ABCB4: variants seen among roughly 807,000 people sequenced by gnomAD.
ABCB4 encodes the protein phosphatidylcholine translocator ABCB4.
ABCB4 carries 76 observed loss-of-function variants against 145.7 expected under a neutral mutation model. That is an observed-to-expected ratio of 0.52 (90% confidence interval 0.43 to 0.63). The LOEUF is 0.63. Ranked by LOEUF, ABCB4 falls within the 30% of genes least tolerant of loss-of-function variation. The probability of loss-of-function intolerance (pLI) is 0.00; values close to 1 mark genes in which losing one functional copy is unlikely to be tolerated. For synonymous variants in ABCB4, 517 were observed against 566.8 expected (o/e 0.91, Z 1.25); for missense variants, 1,234 against 1,553.1 (o/e 0.79, Z 3.45).
chr7:87,397,583 A>C (rs564793480), downstream of ABCB4, among the ~76,000 whole-genome samples: 1 of 152,326 alleles, frequency 6.6e-6, no homozygotes, highest in South Asian at 2.1e-4. Flanking sequence ...ATGCTGCTAA[A>C]TATCTGGGAA....
intron 24 of ABCB4, among the ~76,000 whole-genome samples, chr7:87,408,561 G>A (rs1808383397): frequency 6.6e-6 from 1 of 152,218 alleles, no homozygotes; most frequent in Non-Finnish European, 1.5e-5. Context: ...AGACTCTAAA[G>A]GCTTGGAAAT....
intron 7 of ABCB4, among the ~76,000 whole-genome samples, 156 bp from the exon 8 acceptor site, chr7:87,450,248 C>T (rs45591633): frequency 3.3e-5 from 5 of 152,230 alleles, no homozygotes; most frequent in Admixed American, 6.5e-5. Context: ...CCAATGGCTG[C>T]GTCCACATCC....
At chr7:87,374,110 A>G in the ABCB4 span, among the ~76,000 whole-genome samples, 1 of 152,144 alleles carries the variant, frequency 6.6e-6, no homozygotes, top group South Asian at 2.1e-4. Flanking sequence ...TAGAATATTT[A>G]AAAAAATATA....
At position 87,451,712 on chromosome 7, in the gene ABCB4, T is replaced by C. The variant is rs1220526355; in HGVS notation, c.619A>G (p.Ile207Val). 4 of 1,614,186 alleles carry C rather than the reference T, an allele frequency of 2.5e-6. No homozygotes were observed. Among genetic ancestry groups the C allele is most frequent in the Non-Finnish European group, 3.4e-6 (4 of 1,180,026 alleles). ...QAVATFFAGF[I>V]VGFIRGWKLT... ...TTCCATCCTCTGATGAATCCCACTA[T>C]GAATCCTGCAAAAAACGTGGCTACT... Residue 207 changes from isoleucine to valine, a missense_variant, in exon 7 of 28, where the codon ATA becomes GTA. Coordinates refer to ENST00000649586, the MANE Select transcript of ABCB4 (RefSeq NM_000443.4).
At position 87,423,906 on chromosome 7, in the gene ABCB4, C is replaced by T. The variant is rs763404399; in HGVS notation, c.2211G>A (p.Ala737=). Residue 737 remains alanine, a splice_region_variant and synonymous_variant, in exon 17 of 28, where the codon GCG becomes GCA. Transcript: ENST00000649586. ...AFSVIFSEII[A]IFGPGDDAVK... Reference sequence around the variant, plus strand: ...TGTTATGTGGTGTTTGCAAACTTACCGCTATGATCTCTGAGAATATGACTG... The same window carrying T: ...TGTTATGTGGTGTTTGCAAACTTACTGCTATGATCTCTGAGAATATGACTG... 1.1e-5 allele frequency: 17 copies of T among 1,613,870 alleles called. No homozygotes were observed. The highest frequency in any genetic ancestry group is 2.7e-5 in the African/African-American group (2 of 74,906).
chr7:87,446,847 C>T (rs1281062529), intron 9 of ABCB4, among the ~76,000 whole-genome samples, 187 bp downstream of exon 9: 1 of 152,186 alleles, frequency 6.6e-6, no homozygotes, highest in East Asian at 1.9e-4. Context: ...TTCTTATCCA[C>T]ACTCATAATT....
intron 4 of ABCB4, among the ~76,000 whole-genome samples, chr7:87,456,372 T>C (rs781186029): frequency 9.2e-5 from 14 of 152,122 alleles, no homozygotes; most frequent in Non-Finnish European, 1.9e-4. Flanking sequence ...GGTGTTTGGG[T>C]CAAGGGGACA....
At chr7:87,475,188 AG>A (rs1344347162) in intron 2 of ABCB4, among the ~76,000 whole-genome samples, 197 bp downstream of exon 2, 1 of 152,232 alleles carries the variant, frequency 6.6e-6, no homozygotes, top group African/African-American at 2.4e-5. Context: ...CTGTTCCAAA[AG>A]GAGCCTCAGT....
At chr7:87,445,269 A>G (rs1811268856) in intron 9 of ABCB4, among the ~76,000 whole-genome samples, 1 of 152,198 alleles carries the variant, frequency 6.6e-6, no homozygotes, top group Non-Finnish European at 1.5e-5. Context: ...ATTTTCAGTC[A>G]GTATTATTAT....
At chr7:87,395,601 TA>T in the ABCB4 span, among the ~76,000 whole-genome samples, 1 of 152,230 alleles carries the variant, frequency 6.6e-6, no homozygotes, top group South Asian at 2.1e-4. Flanking sequence ...AGGGAAAAGA[TA>T]AACATCAGCT....
chr7:87,381,211 C>T, the ABCB4 span, among the ~76,000 whole-genome samples: 2 of 152,174 alleles, frequency 1.3e-5, no homozygotes, highest in African/African-American at 4.8e-5. Context: ...GTGACAGTCA[C>T]AAGGAACCGT....
chr7:87,398,902 T>C, downstream of ABCB4: 1 of 378,050 alleles, frequency 2.6e-6, no homozygotes, highest in South Asian at 3.8e-5. Flanking sequence ...TATGCAGTAT[T>C]TAAGCCTCAA....
intron 7 of ABCB4, among the ~76,000 whole-genome samples, chr7:87,450,716 C>T (rs1239212164): frequency 6.6e-6 from 1 of 152,120 alleles, no homozygotes; most frequent in Non-Finnish European, 1.5e-5. Context: ...GTGATCCACC[C>T]ACTTTGGACT....
At chr7:87,433,821 C>T (rs1810418003) in intron 14 of ABCB4, among the ~76,000 whole-genome samples, 1 of 151,602 alleles carries the variant, frequency 6.6e-6, no homozygotes, top group Non-Finnish European at 1.5e-5. Flanking sequence ...AAAGGTGGGC[C>T]TAAACAAAGG....
At chr7:87,444,622 T>C (rs1293298245) in intron 10 of ABCB4, among the ~76,000 whole-genome samples, 1 of 152,184 alleles carries the variant, frequency 6.6e-6, no homozygotes, top group Non-Finnish European at 1.5e-5. Context: ...CTAGTGCAGA[T>C]GTCCTTTTCC....
chr7:87,419,590 T>C (rs867176585), intron 19 of ABCB4, among the ~76,000 whole-genome samples: 3 of 152,156 alleles, frequency 2.0e-5, no homozygotes, highest in Non-Finnish European at 2.9e-5. Flanking sequence ...ACAGTTAGTA[T>C]GGTAGATTGT....
At chr7:87,460,801 T>C (rs1562996548) in intron 4 of ABCB4, among the ~76,000 whole-genome samples, 1 of 151,860 alleles carries the variant, frequency 6.6e-6, no homozygotes, top group African/African-American at 2.4e-5. Context: ...TCGTATTTTT[T>C]ATAGGTGTGT....
chr7:87,429,648 TTAAAAC>T (rs1810065936), intron 15 of ABCB4, among the ~76,000 whole-genome samples: 1 of 152,102 alleles, frequency 6.6e-6, no homozygotes, highest in Non-Finnish European at 1.5e-5. Context: ...ACTCATGAAA[TTAAAAC>T]TAAAATGGAT....
chr7:87,452,556 C>A, intron 6 of ABCB4: 1 of 296,470 alleles, frequency 3.4e-6, no homozygotes, highest in African/African-American at 2.2e-5. Flanking sequence ...ACATGAAACA[C>A]CCTCAAATAT....
Sources: allele counts gnomAD v4.1 joint callset (sites outside exome capture counted in the v4.1 genomes callset), GRCh38; gene constraint gnomAD v4.1.1; transcripts MANE v1.5; gene names NCBI Gene and HGNC (gene_info 2026-07-23, HGNC 2026-07-21).